Variants in DOP1A observed in about 807,000 individuals in gnomAD.
DOP1A encodes protein DOP1A.
DOP1A carries 90 observed loss-of-function variants against 267.6 expected under a neutral mutation model. That is an observed-to-expected ratio of 0.34 (90% CI 0.28 to 0.40). The LOEUF (loss-of-function observed/expected upper bound fraction) is 0.40. DOP1A is among the 10% of genes least tolerant of loss of function. The probability of loss-of-function intolerance (pLI) is 1.00; values close to 1 mark genes in which losing one functional copy is unlikely to be tolerated. For missense variants in DOP1A, 2,437 were observed against 2,900.4 expected, an observed-to-expected ratio of 0.84 and a Z score of 3.67; for synonymous variants, 932 against 999.1, an observed-to-expected ratio of 0.93 and a Z score of 1.27.
chr6:83,116,336 A>G (rs981438371), intron 7 of DOP1A, among the ~76,000 whole-genome samples: 5 of 152,054 alleles, frequency 3.3e-5, no homozygotes, highest in African/African-American at 1.2e-4. Context: ...TCATGATTGG[A>G]TATTAAGGAA....
At chr6:83,081,539 A>G (rs1298110006) in intron 1 of DOP1A, among the ~76,000 whole-genome samples, 1 of 152,210 alleles carries the variant, frequency 6.6e-6, no homozygotes, top group East Asian at 1.9e-4. Flanking sequence ...CACCATATAC[A>G]AAAATCATCT....
chr6:83,153,567 T>A lies in DOP1A; in HGVS notation c.6186T>A (p.Ile2062=). 1 of 1,610,540 alleles carries A rather than the reference T, an allele frequency of 6.2e-7. No individual in the cohort carries two copies. Among genetic ancestry groups the A allele is most frequent in the Non-Finnish European group, 8.5e-7 (1 of 1,178,518 alleles). Reference sequence around the variant, plus strand: ...ATAGTGATGAAAAGGAGCGGGTTATTCCTTTACTTGTAAATATTATGCATT... The same window carrying A: ...ATAGTGATGAAAAGGAGCGGGTTATACCTTTACTTGTAAATATTATGCATT... ...VFYSDEKERV[I]PLLVNIMHYV... The change falls in exon 31 of 39, where the codon ATT becomes ATA. Residue 2062 remains isoleucine (I), a synonymous_variant. Transcript: ENST00000349129.
intron 1 of DOP1A, among the ~76,000 whole-genome samples, chr6:83,071,977 A>C (rs990737646): frequency 6.6e-6 from 1 of 152,184 alleles, no homozygotes; most frequent in Admixed American, 6.5e-5. Context: ...AGATGAGGTA[A>C]TAAAGTTAAA....
chr6:83,081,410 C>T (rs1768050204), intron 1 of DOP1A, among the ~76,000 whole-genome samples: 1 of 152,188 alleles, frequency 6.6e-6, no homozygotes. Context: ...CCCAGCCCTA[C>T]AACCAACTGG....
chr6:83,158,608 T>C lies in DOP1A; in HGVS notation c.6783T>C (p.Asp2261=). 1.2e-6 allele frequency: 2 copies of C among 1,606,462 alleles called. No homozygotes were observed. Among genetic ancestry groups the C allele is most frequent in the Non-Finnish European group, 1.7e-6 (2 of 1,175,346 alleles). The change falls in exon 36 of 39, where the codon GAT becomes GAC. Residue 2261 remains aspartate, a synonymous_variant. Coordinates refer to ENST00000349129, the MANE Select transcript of DOP1A (RefSeq NM_015018.4). ...FLLMEQELTA[D]EDISRTSGPS... is the part of the protein sequence containing the mutation. ...TGATGGAGCAGGAACTCACTGCTGA[T>C]GAAGATATTTCACGGTAATATGTAA...
At chr6:83,068,184 G>T (rs1483335716) in intron 1 of DOP1A, among the ~76,000 whole-genome samples, 3 of 152,224 alleles carry the variant, frequency 2.0e-5, no homozygotes, top group Non-Finnish European at 4.4e-5. Flanking sequence ...CTTTGTTGAA[G>T]GAATCGAGGC....
chr6:83,087,122 A>G (rs1458851420), intron 1 of DOP1A, among the ~76,000 whole-genome samples: 1 of 152,152 alleles, frequency 6.6e-6, no homozygotes, highest in Non-Finnish European at 1.5e-5. Flanking sequence ...AAAGTAGAGA[A>G]TATGGGTATA....
intron 1 of DOP1A, among the ~76,000 whole-genome samples, chr6:83,073,492 A>G (rs1163276275): frequency 6.6e-6 from 1 of 152,138 alleles, no homozygotes; most frequent in Admixed American, 6.5e-5. Context: ...AACCTACCTG[A>G]TTCCATAACT....
intron 25 of DOP1A, among the ~76,000 whole-genome samples, 168 bp downstream of exon 25, chr6:83,145,826 G>A (rs779913761): frequency 6.6e-6 from 1 of 152,110 alleles, no homozygotes; most frequent in East Asian, 1.9e-4. Flanking sequence ...TATTTGTAGT[G>A]ACTTGCTATT....
At chr6:83,140,435 CAA>C in intron 23 of DOP1A, 32 bp downstream of exon 23, 1 of 1,527,824 alleles carries the variant, frequency 6.5e-7, no homozygotes, top group South Asian at 1.2e-5. Flanking sequence ...CTGTAGAGCT[CAA>C]GAGTCTGAGG....
chr6:83,091,680 A>G lies in DOP1A; in HGVS notation c.-146-5051A>G, dbSNP rs377132593. On this transcript the variant is annotated intron_variant, in intron 1 of 38. Coordinates refer to ENST00000349129, the MANE Select transcript of DOP1A (RefSeq NM_015018.4). ...ATTATTAGGCTGATAAATGACCCCT[A>G]TTTTCATTAATAGAAATTACTACTA... Among the ~76,000 whole-genome samples, 7 of 152,212 alleles carry G rather than the reference A, an allele frequency of 4.6e-5. No homozygotes were observed. In the East Asian group the frequency reaches 1.4e-3, roughly 29 times the overall value.
chr6:83,119,352 C>T (rs945918341), intron 8 of DOP1A, among the ~76,000 whole-genome samples: 1 of 152,096 alleles, frequency 6.6e-6, no homozygotes, highest in East Asian at 1.9e-4. Context: ...CATTGTCTTA[C>T]ACATCATACA....
chr6:83,123,499 A>G (rs1252315576), intron 12 of DOP1A, among the ~76,000 whole-genome samples: 1 of 152,102 alleles, frequency 6.6e-6, no homozygotes, highest in Non-Finnish European at 1.5e-5. Flanking sequence ...TCTGGCTTCT[A>G]GACCAGATCC....
Position 83,129,423 on chromosome 6 carries a change from G to T in DOP1A, c.2256G>T (p.Gln752His). 6.2e-7 allele frequency: 1 copy of T among 1,609,650 alleles called. No individual in the cohort carries two copies. Among genetic ancestry groups the T allele is most frequent in the South Asian group, 1.1e-5 (1 of 90,254 alleles). ...TGTCTGCCTTCCTTGCTGCCTGTCA[G>T]CTCTTCCTAGAGTGCTCAAGTTTCC... ...EYLSAFLAAC[Q>H]LFLECSSFPV... is the part of the protein sequence containing the mutation. Residue 752 changes from glutamine to histidine, a missense_variant, in exon 16 of 39, where the codon CAG (glutamine) becomes CAT (histidine). By Grantham distance (24) the Gln-to-His change is conservative. Transcript: ENST00000349129.
chr6:83,164,663 AAGG>A (rs763649243), intron 38 of DOP1A: 11 of 1,576,406 alleles, frequency 7.0e-6, no homozygotes, highest in South Asian at 1.2e-5. Flanking sequence ...TCCACAGGAC[AAGG>A]AGGAGGACTT....
rs749358309 is a variant in DOP1A at position 83,130,281 on chromosome 6, A to G, written c.2500A>G (p.Ser834Gly). The G allele has an allele frequency of 1.3e-5, 21 of 1,613,964 alleles. No homozygotes were observed. Among genetic ancestry groups the G allele is most frequent in the Non-Finnish European group, 1.8e-5 (21 of 1,179,986 alleles). The change falls in exon 17 of 39, where the codon AGT (serine) becomes GGT (glycine). Residue 834 changes from serine to glycine, a missense_variant. Ser to Gly is a moderately conservative substitution (Grantham distance 56, BLOSUM62 0). This residue lies in a region of DOP1A where 878 missense variants were observed against 992.9 expected (regional missense o/e 0.88). Coordinates refer to ENST00000349129, the MANE Select transcript of DOP1A (RefSeq NM_015018.4). ...CATGGTCACTGGGGAAAACATCAAC[A>G]GTGTAGAGCCTGCACAACCCTTAAG... ...VAMVTGENIN[S>G]VEPAQPLSPN...
intron 1 of DOP1A, among the ~76,000 whole-genome samples, chr6:83,069,517 T>A (rs569332827): frequency 6.6e-6 from 1 of 152,182 alleles, no homozygotes; most frequent in Non-Finnish European, 1.5e-5. Flanking sequence ...TTAAGCTGAG[T>A]CCTCTTCAAC....
At chr6:83,080,229 A>G (rs910196041) in intron 1 of DOP1A, among the ~76,000 whole-genome samples, 1 of 152,232 alleles carries the variant, frequency 6.6e-6, no homozygotes, top group Non-Finnish European at 1.5e-5. Context: ...ATATGTTTGA[A>G]AAAAGCAGAT....
chr6:83,126,712 A>C (rs1168959699), intron 15 of DOP1A, among the ~76,000 whole-genome samples: 3 of 152,132 alleles, frequency 2.0e-5, no homozygotes, highest in Non-Finnish European at 2.9e-5. Context: ...GGAGGTAAAA[A>C]GAGAGCACCT....
Sources: allele counts gnomAD v4.1 joint callset (sites outside exome capture counted in the v4.1 genomes callset), GRCh38; gene constraint gnomAD v4.1.1; regional missense constraint gnomAD v4.1.1; transcripts MANE v1.5; gene names NCBI Gene and HGNC (gene_info 2026-07-23, HGNC 2026-07-21).